Variants in ADCY2 observed in about 807,000 individuals in gnomAD.
ADCY2 encodes the protein adenylate cyclase type 2.
ADCY2 carries 31 observed loss-of-function variants against 125.2 expected under a neutral mutation model. The observed-to-expected ratio is 0.25, with a 90% CI of 0.19 to 0.33. The LOEUF is 0.33. Ranked by LOEUF, ADCY2 falls within the 10% of genes least tolerant of loss-of-function variation. The probability of loss-of-function intolerance (pLI) is 1.00; values close to 1 mark genes in which losing one functional copy is unlikely to be tolerated. For missense variants in ADCY2, 904 were observed against 1,418.2 expected (o/e 0.64, Z 5.82); for synonymous variants, 512 against 548.4 (o/e 0.93, Z 0.93).
At chr5:7,489,803 A>G (rs1381892391) in intron 2 of ADCY2, among the ~76,000 whole-genome samples, 8 of 151,976 alleles carry the variant, frequency 5.3e-5, no homozygotes, top group African/African-American at 1.9e-4. Context: ...TGCCTTTGCT[A>G]TTTCTGCTTC....
chr5:7,804,996 A>G (rs774127591), intron 22 of ADCY2, among the ~76,000 whole-genome samples: 4 of 152,088 alleles, frequency 2.6e-5, no homozygotes, highest in Non-Finnish European at 4.4e-5. Context: ...CTCAGTAAGA[A>G]TGGATCCAGG....
At chr5:7,587,838 G>A (rs1469920642) in intron 3 of ADCY2, among the ~76,000 whole-genome samples, 1 of 152,150 alleles carries the variant, frequency 6.6e-6, no homozygotes, top group Non-Finnish European at 1.5e-5. Context: ...TGAGAGAATC[G>A]GTTGATTAGG....
intron 2 of ADCY2, among the ~76,000 whole-genome samples, chr5:7,454,413 C>T (rs986709690): frequency 2.0e-5 from 3 of 152,152 alleles, no homozygotes; most frequent in African/African-American, 7.2e-5. Context: ...TGGAGCCCAA[C>T]CTACAATATT....
At chr5:7,664,782 G>A (rs1004927140) in intron 4 of ADCY2, among the ~76,000 whole-genome samples, 1 of 152,032 alleles carries the variant, frequency 6.6e-6, no homozygotes, top group Non-Finnish European at 1.5e-5. Context: ...CACCCTTTTA[G>A]GTCTAATAAG....
chr5:7,689,912 T>C (rs1281834144), intron 4 of ADCY2, among the ~76,000 whole-genome samples: 1 of 152,200 alleles, frequency 6.6e-6, no homozygotes, highest in Non-Finnish European at 1.5e-5. Context: ...AGATTACCCT[T>C]CTGTTAGACT....
At chr5:7,664,114 G>C (rs1460268291) in intron 4 of ADCY2, among the ~76,000 whole-genome samples, 1 of 152,128 alleles carries the variant, frequency 6.6e-6, no homozygotes, top group South Asian at 2.1e-4. Context: ...AGCAGTTTCT[G>C]TTTATAGAAA....
chr5:7,737,312 G>T (rs1742278493), intron 14 of ADCY2, among the ~76,000 whole-genome samples: 1 of 152,170 alleles, frequency 6.6e-6, no homozygotes, highest in South Asian at 2.1e-4. Flanking sequence ...AAGGAAACAG[G>T]ATAGAGGTGT....
chr5:7,572,312 T>C (rs1736092230), intron 3 of ADCY2, among the ~76,000 whole-genome samples: 1 of 152,194 alleles, frequency 6.6e-6, no homozygotes, highest in Non-Finnish European at 1.5e-5. Context: ...TGCCAGCATC[T>C]GTTACTCTTT....
At chr5:7,701,000 GT>G (rs1741059686) in intron 7 of ADCY2, among the ~76,000 whole-genome samples, 1 of 151,902 alleles carries the variant, frequency 6.6e-6, no homozygotes, top group Non-Finnish European at 1.5e-5. Flanking sequence ...ATGAAAAATA[GT>G]TTTTAGCTTT....
chr5:7,734,020 T>C (rs918439890), intron 14 of ADCY2, among the ~76,000 whole-genome samples: 1 of 152,352 alleles, frequency 6.6e-6, no homozygotes, highest in South Asian at 2.1e-4. Context: ...TGAATTCCCT[T>C]TCATTTTGAA....
chr5:7,501,522 A>G (rs1743569879), intron 2 of ADCY2, among the ~76,000 whole-genome samples: 1 of 151,918 alleles, frequency 6.6e-6, no homozygotes, highest in Non-Finnish European at 1.5e-5. Context: ...TTTAGTTTTG[A>G]TATAGAATAA....
chr5:7,541,080 G>A (rs994639063), intron 3 of ADCY2, among the ~76,000 whole-genome samples: 3 of 152,148 alleles, frequency 2.0e-5, no homozygotes, highest in African/African-American at 4.8e-5. Flanking sequence ...TACTGGAGCC[G>A]TTTACATTTG....
At chr5:7,706,628 TG>T in intron 7 of ADCY2, 115 bp from the exon 8 acceptor site, 1 of 1,224,946 alleles carries the variant, frequency 8.2e-7, no homozygotes, top group Non-Finnish European at 1.2e-6. Context: ...GGAAGGTTTA[TG>T]GTCATTTCCG....
At chr5:7,535,857 G>A (rs1561079963) in intron 3 of ADCY2, among the ~76,000 whole-genome samples, 1 of 152,184 alleles carries the variant, frequency 6.6e-6, no homozygotes, top group Non-Finnish European at 1.5e-5. Flanking sequence ...ATCGTGGCTG[G>A]TGTGTGATTC....
chr5:7,816,530 A>C (rs1745116893), intron 22 of ADCY2, among the ~76,000 whole-genome samples: 1 of 152,238 alleles, frequency 6.6e-6, no homozygotes, highest in Non-Finnish European at 1.5e-5. Context: ...AAAGGAGGGA[A>C]GAAGGCGCCA....
In ADCY2 at chr5:7,681,892, T is replaced by A. The variant is rs1740351738; in HGVS notation, c.721-8799T>A. ...CTCCTGTCCCCAGCTGGAGCTACAT[T>A]ATTTATTCTTGCACCTATTTATGTA... On this transcript the variant is annotated intron_variant, in intron 4 of 24. Transcript: ENST00000338316. Among the ~76,000 whole-genome samples, 2 of 152,234 alleles carry A rather than the reference T, an allele frequency of 1.3e-5. 1 individual carries two copies. The highest frequency in any genetic ancestry group is 4.1e-4 in the South Asian group (2 of 4,834).
chr5:7,636,208 G>A (rs1258230022), intron 4 of ADCY2, among the ~76,000 whole-genome samples: 1 of 152,238 alleles, frequency 6.6e-6, no homozygotes, highest in African/African-American at 2.4e-5. Flanking sequence ...GGAGAAGAGA[G>A]GGCGCAGCAC....
chr5:7,817,256 A>G (rs1173045548), intron 23 of ADCY2, among the ~76,000 whole-genome samples: 1 of 152,210 alleles, frequency 6.6e-6, no homozygotes, highest in Non-Finnish European at 1.5e-5. Flanking sequence ...ATTCACTGTG[A>G]GACATCCACT....
chr5:7,517,261 C>G (rs1212701764), intron 2 of ADCY2, among the ~76,000 whole-genome samples: 8 of 152,150 alleles, frequency 5.3e-5, no homozygotes. Context: ...ATCCCTGGCT[C>G]TGCACTCTTT....
Sources: allele counts gnomAD v4.1 joint callset (sites outside exome capture counted in the v4.1 genomes callset), GRCh38; gene constraint gnomAD v4.1.1; transcripts MANE v1.5; gene names NCBI Gene and HGNC (gene_info 2026-07-23, HGNC 2026-07-21).